The following TTC28 variants were observed in gnomAD, a reference collection of about 807,000 sequenced individuals.
The protein encoded by TTC28 is tetratricopeptide repeat domain 28, also known as tetratricopeptide repeat protein 28.
Under a neutral mutation model 198.0 loss-of-function variants are expected in TTC28, and 61 were observed. The observed-to-expected ratio is 0.31, with a 90% CI of 0.25 to 0.38. TTC28 has a LOEUF of 0.38. Among genes scored for constraint, TTC28 ranks in the 10% least tolerant of loss-of-function variants. The pLI is 1.00. For synonymous variants in TTC28, 1,171 were observed against 1,297.8 expected (o/e 0.90, Z 2.10); for missense variants, 2,678 against 3,164.0 (o/e 0.85, Z 3.69).
chr22:28,245,627 G>A (rs1169521134), intron 5 of TTC28, among the ~76,000 whole-genome samples: 1 of 152,098 alleles, frequency 6.6e-6, no homozygotes, highest in Non-Finnish European at 1.5e-5. Context: ...TACCCTATGC[G>A]TTTCACATGA....
chr22:28,637,707 A>G (rs944041645), intron 1 of TTC28, among the ~76,000 whole-genome samples: 7 of 152,170 alleles, frequency 4.6e-5, no homozygotes, highest in South Asian at 2.1e-4. Flanking sequence ...ATCAAAAAAC[A>G]GAATGATTGA....
intron 5 of TTC28, among the ~76,000 whole-genome samples, chr22:28,243,579 CT>C (rs1455510252): frequency 1.3e-5 from 2 of 152,082 alleles, no homozygotes; most frequent in Admixed American, 1.3e-4. Context: ...GAACTACAGA[CT>C]ACAGAGCTAG....
Position 27,999,208 on chromosome 22 carries a change from G to A in TTC28, c.4451C>T (p.Ala1484Val), listed in dbSNP as rs1937609323. 1 of 1,550,886 alleles carries A rather than the reference G, an allele frequency of 6.4e-7. No homozygotes were observed. Among genetic ancestry groups the A allele is most frequent in the Non-Finnish European group, 8.7e-7 (1 of 1,146,994 alleles). ...PTYSSSTSMA[A>V]VIGNPKLPSA... Reference sequence around the variant, plus strand: ...TGGTAGCTTGGGGTTGCCGATGACAGCCGCCATGGATGTGGAGCTGGAGTA... The same window carrying A: ...TGGTAGCTTGGGGTTGCCGATGACAACCGCCATGGATGTGGAGCTGGAGTA... Residue 1484 changes from alanine to valine, a missense_variant, in exon 16 of 23, where the codon GCT (alanine) becomes GTT (valine). Physicochemically the swap from Ala to Val is moderately conservative, Grantham distance 64. Around this residue, in one of 8 missense-constraint regions of TTC28, gnomAD observed 727 missense variants for 861.9 expected, o/e 0.84. Coordinates refer to ENST00000397906, the MANE Select transcript of TTC28 (RefSeq NM_001145418.2).
chr22:28,076,197 T>G (rs1004673397), intron 12 of TTC28, among the ~76,000 whole-genome samples: 8 of 152,212 alleles, frequency 5.3e-5, no homozygotes, highest in Non-Finnish European at 1.2e-4. Context: ...AAGTGGTAGG[T>G]CAGTCTCAAT....
At chr22:28,182,487 G>C (rs984710479) in intron 5 of TTC28, among the ~76,000 whole-genome samples, 9 of 151,960 alleles carry the variant, frequency 5.9e-5, no homozygotes, top group African/African-American at 1.9e-4. Context: ...ACATATGAGA[G>C]GCAGAGAAAA....
chr22:28,203,733 C>T (rs1354369029), intron 5 of TTC28, among the ~76,000 whole-genome samples: 2 of 152,036 alleles, frequency 1.3e-5, no homozygotes, highest in African/African-American at 4.8e-5. Flanking sequence ...GGATTAACAC[C>T]ATCTCAGTAC....
intron 5 of TTC28, among the ~76,000 whole-genome samples, chr22:28,177,851 G>A (rs1923314132): frequency 6.6e-6 from 1 of 152,152 alleles, no homozygotes. Flanking sequence ...AGGGAGTTGG[G>A]GGAGTGGAGG....
Position 28,001,448 on chromosome 22 carries a change from A to C in TTC28, c.4324T>G (p.Ser1442Ala). ...IPFALLKGSS[S>A]NEYLYERFGL... ...AAGCGCTCGTAGAGGTACTCATTGG[A>C]GGAGCTTCCCTTCAGGAGGGCGAAA... Residue 1442 changes from serine to alanine, a missense_variant, in exon 15 of 23, where the codon TCC becomes GCC. Ser to Ala is a moderately conservative substitution (Grantham distance 99, BLOSUM62 1). Transcript: ENST00000397906. The C allele has an allele frequency of 1.3e-6, 2 of 1,551,644 alleles. No individual in the cohort carries two copies. The highest frequency in any genetic ancestry group is 1.2e-5 in the South Asian group (1 of 84,060).
intron 2 of TTC28, among the ~76,000 whole-genome samples, chr22:28,588,877 G>A (rs1299455049): frequency 1.3e-5 from 2 of 152,102 alleles, no homozygotes; most frequent in African/African-American, 4.8e-5. Flanking sequence ...GCCTCAACAG[G>A]AAACACCCCT....
intron 2 of TTC28, among the ~76,000 whole-genome samples, chr22:28,484,710 C>T (rs1316203679): frequency 6.6e-6 from 1 of 152,106 alleles, no homozygotes; most frequent in Non-Finnish European, 1.5e-5. Flanking sequence ...AACTCCAACC[C>T]CAAAAGAACC....
At chr22:28,623,463 T>C (rs1020690718) in intron 2 of TTC28, among the ~76,000 whole-genome samples, 3 of 152,126 alleles carry the variant, frequency 2.0e-5, no homozygotes, top group Non-Finnish European at 4.4e-5. Flanking sequence ...ACTTCTTCAT[T>C]CCAGCAATGA....
intron 2 of TTC28, among the ~76,000 whole-genome samples, chr22:28,430,036 A>ATTTTTT (rs919396993): frequency 2.7e-5 from 3 of 109,968 alleles, no homozygotes; most frequent in Admixed American, 2.0e-4. Context: ...CTGGAATATG[A>ATTTTTT]TTTTTTTTTT....
At chr22:28,628,429 T>TA (rs2051113204) in intron 2 of TTC28, among the ~76,000 whole-genome samples, 2 of 152,186 alleles carry the variant, frequency 1.3e-5, no homozygotes, top group Admixed American at 6.5e-5. Flanking sequence ...TCATCTCACA[T>TA]AGTAACCCTT....
At chr22:28,572,268 G>A (rs546613256) in intron 2 of TTC28, among the ~76,000 whole-genome samples, 17 of 152,088 alleles carry the variant, frequency 1.1e-4, no homozygotes, top group Admixed American at 6.5e-4. Context: ...CTTGAACCCA[G>A]GAGGCAGAAG....
At chr22:28,064,181 T>G (rs1940662396) in intron 12 of TTC28, among the ~76,000 whole-genome samples, 1 of 152,186 alleles carries the variant, frequency 6.6e-6, no homozygotes, top group African/African-American at 2.4e-5. Context: ...ATACTGATGG[T>G]CATGTTATAT....
chr22:28,528,557 T>A (rs937038679), intron 2 of TTC28, among the ~76,000 whole-genome samples: 3 of 146,876 alleles, frequency 2.0e-5, no homozygotes, highest in African/African-American at 7.6e-5. Flanking sequence ...TAAAACCCCA[T>A]CTCTAATAAA....
At chr22:28,018,306 C>CGCACGCGCGCG (rs1451764096) in intron 13 of TTC28, among the ~76,000 whole-genome samples, 12 of 49,252 alleles carry the variant, frequency 2.4e-4, no homozygotes, top group African/African-American at 7.2e-4. Flanking sequence ...TGTGCGCGCG[C>CGCACGCGCGCG]GGGGGGGGGG....
intron 5 of TTC28, among the ~76,000 whole-genome samples, chr22:28,280,029 T>C (rs1242432503): frequency 6.6e-6 from 1 of 152,218 alleles, no homozygotes; most frequent in Non-Finnish European, 1.5e-5. Flanking sequence ...TTTGCTATTA[T>C]GAGTAAAACT....
At chr22:28,539,467 TC>T (rs936248414) in intron 2 of TTC28, among the ~76,000 whole-genome samples, 5 of 151,984 alleles carry the variant, frequency 3.3e-5, no homozygotes, top group African/African-American at 1.2e-4. Context: ...AAAACCCATC[TC>T]TATAAAAATA....
Sources: gnomAD v4.1 joint callset for allele counts (sites outside exome capture counted in the v4.1 genomes callset) on GRCh38, gnomAD v4.1.1 for gene constraint, gnomAD v4.1.1 regional missense constraint, MANE v1.5 for transcripts, NCBI Gene and HGNC (gene_info 2026-07-23, HGNC 2026-07-21) for gene names.